The following MAP3K13 variants were observed in gnomAD, a reference collection of about 807,000 sequenced individuals.
The protein encoded by MAP3K13 is mitogen-activated protein kinase kinase kinase 13.
Under a neutral mutation model 104.0 loss-of-function variants are expected in MAP3K13, and 52 were observed. The ratio of observed to expected loss-of-function variants is 0.50; its 90% confidence interval spans 0.40 to 0.63. The LOEUF is 0.63. Ranked by LOEUF, MAP3K13 falls within the 20% of genes least tolerant of loss-of-function variation. The pLI is 0.00. For synonymous variants in MAP3K13, 394 were observed against 442.2 expected, an observed-to-expected ratio of 0.89 and a Z score of 1.37; for missense variants, 914 against 1,218.5, an observed-to-expected ratio of 0.75 and a Z score of 3.72.
At chr3:185,319,376 C>T (rs1577419936) in intron 2 of MAP3K13, among the ~76,000 whole-genome samples, 2 of 152,214 alleles carry the variant, frequency 1.3e-5, no homozygotes, top group African/African-American at 4.8e-5. Flanking sequence ...GTTCCCTAAC[C>T]TTTCTTGTGT....
At chr3:185,306,979 G>GT (rs1320781020) in intron 2 of MAP3K13, among the ~76,000 whole-genome samples, 2 of 152,158 alleles carry the variant, frequency 1.3e-5, no homozygotes. Flanking sequence ...CTGATTGGCA[G>GT]TTTTTTCTTT....
chr3:185,354,361 A>G (rs965146300), intron 2 of MAP3K13, among the ~76,000 whole-genome samples: 14 of 149,322 alleles, frequency 9.4e-5, no homozygotes, highest in Non-Finnish European at 1.8e-4. Flanking sequence ...CCAAGTGCCT[A>G]GGGAAGCAAA....
intron 4 of MAP3K13, among the ~76,000 whole-genome samples, chr3:185,446,173 T>C (rs748134153): frequency 9.9e-5 from 15 of 152,044 alleles, no homozygotes; most frequent in Non-Finnish European, 4.4e-5. Context: ...CTGGTTCAAA[T>C]GGAGAAGCAA....
At chr3:185,394,346 G>A (rs1007150842) in intron 1 of MAP3K13, among the ~76,000 whole-genome samples, 24 of 152,120 alleles carry the variant, frequency 1.6e-4, no homozygotes, top group Admixed American at 1.4e-3. Context: ...GAGTAGAAAC[G>A]TAAAAGAATG....
intron 2 of MAP3K13, among the ~76,000 whole-genome samples, chr3:185,335,549 G>A (rs1722468681): frequency 6.6e-6 from 1 of 152,070 alleles, no homozygotes; most frequent in Non-Finnish European, 1.5e-5. Flanking sequence ...CTTGCTGCAG[G>A]TTCCATATAT....
At chr3:185,329,771 C>T (rs1373574480) in intron 2 of MAP3K13, among the ~76,000 whole-genome samples, 1 of 152,132 alleles carries the variant, frequency 6.6e-6, no homozygotes, top group Non-Finnish European at 1.5e-5. Context: ...GTTAAGGTCG[C>T]ATGTGGTGTT....
In MAP3K13 at chr3:185,455,563, A is replaced by ATATATATGACATATATATGATATATAT. The variant is rs1217413167; in HGVS notation, c.1278+4168_1278+4169insTATATATGACATATATATGATATATAT. The stretch of plus-strand genomic sequence containing the variant: ...ATATGACATATATATGATATATATG[A>ATATATATGACATATATATGATATATAT]GATATATATGACATATATATGATAT... On this transcript the variant is annotated intron_variant, in intron 7 of 13. Coordinates refer to ENST00000265026, the MANE Select transcript of MAP3K13 (RefSeq NM_004721.5). 5.4e-4 allele frequency among the ~76,000 whole-genome samples: 10 copies of ATATATATGACATATATATGATATATAT among 18,350 alleles called. 2 individuals carry two copies. Among genetic ancestry groups the ATATATATGACATATATATGATATATAT allele is most frequent in the East Asian group, 3.2e-3 (3 of 926 alleles). 12.0% of individuals were successfully genotyped at this position (18,350 alleles called of 152,430 possible). A position where few individuals can be genotyped will look rare whatever the true frequency, so the allele number is the denominator to read the frequency against.
chr3:185,372,223 T>C (rs966327691), intron 1 of MAP3K13, among the ~76,000 whole-genome samples: 3 of 152,212 alleles, frequency 2.0e-5, no homozygotes, highest in Non-Finnish European at 4.4e-5. Context: ...TAGAAACTGC[T>C]GGGAAATACT....
intron 2 of MAP3K13, among the ~76,000 whole-genome samples, chr3:185,321,846 T>C (rs1461525297): frequency 1.3e-5 from 2 of 152,174 alleles, no homozygotes; most frequent in Non-Finnish European, 2.9e-5. Flanking sequence ...TCAGGTGATC[T>C]GTCCACCTCA....
chr3:185,465,137 C>T (rs987806024), intron 8 of MAP3K13, among the ~76,000 whole-genome samples: 3 of 152,098 alleles, frequency 2.0e-5, no homozygotes, highest in Admixed American at 6.6e-5. Flanking sequence ...CTAACCATGC[C>T]GGGCTAATTT....
At chr3:185,359,878 T>C (rs553829168), upstream of MAP3K13, among the ~76,000 whole-genome samples, 2 of 152,260 alleles carry the variant, frequency 1.3e-5, no homozygotes, top group South Asian at 2.1e-4. Context: ...GTCATGATAC[T>C]TTGGACTTCG....
Position 185,443,634 on chromosome 3 carries a change from T to G in MAP3K13, c.849T>G (p.Pro283=). The G allele has an allele frequency of 5.0e-6, 8 of 1,611,798 alleles. No individual in the cohort carries two copies. Among genetic ancestry groups the G allele is most frequent in the Non-Finnish European group, 6.8e-6 (8 of 1,178,154 alleles). ...HKIIHRDLKS[P]NVLVTHTDAV... is the part of the protein sequence containing the mutation. ...TTATTCATCGTGATCTCAAATCACCTAAGTGAGTTCTGGGGCTAATGTTTC... is the reference window on the plus strand; with the variant it reads ...TTATTCATCGTGATCTCAAATCACCGAAGTGAGTTCTGGGGCTAATGTTTC... The change falls in exon 4 of 14, where the codon CCT becomes CCG. Residue 283 remains proline, a splice_region_variant and synonymous_variant. Coordinates refer to ENST00000265026, the MANE Select transcript of MAP3K13 (RefSeq NM_004721.5).
rs1714222027 is a variant in MAP3K13, at chr3:185,423,011, T to C, written c.-85-5486T>C. ...TGTGCATGCGAGGGATCTAGGGATC[T>C]AGGTTATGTGCCCTTTATGAGAATC... is the stretch of plus-strand genomic sequence containing the variant. On this transcript the variant is annotated intron_variant, in intron 1 of 13. Coordinates refer to ENST00000265026, the MANE Select transcript of MAP3K13 (RefSeq NM_004721.5). The surrounding 1 kb of genome is among the most constrained non-coding windows in gnomAD (Gnocchi z 4.1). Among the ~76,000 whole-genome samples the C allele has an allele frequency of 6.6e-6, 1 of 152,194 alleles. No homozygotes were observed. Among genetic ancestry groups the C allele is most frequent in the Admixed American group, 6.5e-5 (1 of 15,270 alleles).
At chr3:185,293,808 C>T (rs1172752631) in intron 2 of MAP3K13, among the ~76,000 whole-genome samples, 1 of 152,042 alleles carries the variant, frequency 6.6e-6, no homozygotes, top group African/African-American at 2.4e-5. Flanking sequence ...CATTTTTTTT[C>T]ACTTTATGCT....
intron 1 of MAP3K13, among the ~76,000 whole-genome samples, chr3:185,379,298 G>A (rs909706109): frequency 6.6e-6 from 1 of 152,200 alleles, no homozygotes; most frequent in African/African-American, 2.4e-5. Context: ...CGGAGTTTTG[G>A]GTCCACGGAT....
chr3:185,283,590 T>C (rs1720389490), intron 1 of MAP3K13, among the ~76,000 whole-genome samples: 1 of 152,168 alleles, frequency 6.6e-6, no homozygotes. Context: ...CCAGTTTAGT[T>C]TGCTAACCAG....
At chr3:185,463,722 C>A in intron 8 of MAP3K13, 63 bp downstream of exon 8, 2 of 904,194 alleles carry the variant, frequency 2.2e-6, no homozygotes, top group South Asian at 1.4e-5. Context: ...TAACAGGCAC[C>A]CTTATCATAA....
chr3:185,393,001 G>A (rs1712160842), intron 1 of MAP3K13, among the ~76,000 whole-genome samples: 1 of 151,964 alleles, frequency 6.6e-6, no homozygotes, highest in South Asian at 2.1e-4. Flanking sequence ...GCAGTGAGCC[G>A]AGATCACGCC....
intron 2 of MAP3K13, among the ~76,000 whole-genome samples, chr3:185,432,185 C>CTTTTTTTTTTTT (rs11407161): frequency 2.2e-5 from 2 of 90,112 alleles, no homozygotes; most frequent in Non-Finnish European, 4.1e-5. Flanking sequence ...TTTCTAATTG[C>CTTTTTTTTTTTT]TTTTTTTTTT....
Sources: allele counts gnomAD v4.1 joint callset (sites outside exome capture counted in the v4.1 genomes callset), GRCh38; gene constraint gnomAD v4.1.1; non-coding constraint Gnocchi (gnomAD v3.1); transcripts MANE v1.5; gene names NCBI Gene and HGNC (gene_info 2026-07-23, HGNC 2026-07-21).